COL27A1: variants seen among roughly 807,000 people sequenced by gnomAD.
The protein encoded by COL27A1 is collagen type XXVII alpha 1 chain.
Under a neutral mutation model 251.3 loss-of-function variants are expected in COL27A1, and 106 were observed. That is an observed-to-expected ratio of 0.42 (90% CI 0.36 to 0.50). The LOEUF (loss-of-function observed/expected upper bound fraction) is 0.50. Ranked by LOEUF, COL27A1 falls within the 20% of genes least tolerant of loss-of-function variation. The probability of loss-of-function intolerance (pLI) is 0.00; values close to 1 mark genes in which losing one functional copy is unlikely to be tolerated. For missense variants in COL27A1, 2,325 were observed against 2,522.8 expected (o/e 0.92, Z 1.68); for synonymous variants, 1,000 against 986.3 (o/e 1.01, Z -0.26).
At chr9:114,284,505 C>T (rs1488768133) in intron 40 of COL27A1, among the ~76,000 whole-genome samples, 1 of 152,212 alleles carries the variant, frequency 6.6e-6, no homozygotes. Context: ...GGGCCCCCAA[C>T]CATCCCAGCT....
At chr9:114,288,340 C>G in intron 41 of COL27A1, 115 bp from the exon 42 acceptor site, 1 of 1,072,866 alleles carries the variant, frequency 9.3e-7, no homozygotes, top group Admixed American at 2.0e-5. Flanking sequence ...TTTGTGTCCC[C>G]ATCTGTAACC....
chr9:114,162,774 G>T lies in COL27A1; in HGVS notation c.122G>T (p.Gly41Val). 1 of 1,612,354 alleles carries T rather than the reference G, an allele frequency of 6.2e-7. No individual in the cohort carries two copies. The highest frequency in any genetic ancestry group is 8.5e-7 in the Non-Finnish European group (1 of 1,178,980). Reference protein sequence around the residue: ...SFACHLASTQGAPEDVDILQR... With the variant: ...SFACHLASTQVAPEDVDILQR... ...GCCTGTCACCTGGCCTCCACCCAAG[G>T]AGCTCCTGAAGGTAATTCTCTCTTC... The change falls in exon 2 of 61, where the codon GGA becomes GTA. Residue 41 changes from glycine to valine, a missense_variant. Gly to Val is a moderately radical substitution (Grantham distance 109). Coordinates refer to ENST00000356083, the MANE Select transcript of COL27A1 (RefSeq NM_032888.4).
At chr9:114,171,858 G>C (rs1177319238) in intron 3 of COL27A1, among the ~76,000 whole-genome samples, 1 of 152,196 alleles carries the variant, frequency 6.6e-6, no homozygotes, top group East Asian at 1.9e-4. Flanking sequence ...ACTGGTTGAG[G>C]AGGGCAGGCT....
intron 19 of COL27A1, among the ~76,000 whole-genome samples, chr9:114,238,572 C>G (rs116199231): frequency 6.6e-6 from 1 of 152,208 alleles, no homozygotes; most frequent in African/African-American, 2.4e-5. Context: ...TGCTATCACT[C>G]GGATGGATGA....
chr9:114,248,388 G>A (rs1306551332), intron 24 of COL27A1, among the ~76,000 whole-genome samples: 1 of 152,226 alleles, frequency 6.6e-6, no homozygotes, highest in African/African-American at 2.4e-5. Context: ...GCATATGAGA[G>A]GAGGAAGAAA....
chr9:114,234,557 A>G (rs1185640670), intron 16 of COL27A1, among the ~76,000 whole-genome samples: 1 of 152,094 alleles, frequency 6.6e-6, no homozygotes, highest in African/African-American at 2.4e-5. Flanking sequence ...CCCTAAGGGG[A>G]AGCAGCTCCC....
intron 5 of COL27A1, among the ~76,000 whole-genome samples, chr9:114,183,599 A>C (rs182257435): frequency 2.9e-4 from 44 of 152,182 alleles, no homozygotes; most frequent in African/African-American, 1.0e-3. Context: ...GGTGGGTGCA[A>C]GGTGAGAGAC....
intron 32 of COL27A1, 51 bp downstream of exon 32, chr9:114,265,526 G>T: frequency 6.4e-7 from 1 of 1,571,404 alleles, no homozygotes; most frequent in Non-Finnish European, 8.8e-7. Flanking sequence ...GGCACCTGGG[G>T]GTGTGGGCCA....
intron 25 of COL27A1, among the ~76,000 whole-genome samples, chr9:114,251,436 C>CCCT (rs1404018217): frequency 6.6e-6 from 1 of 152,032 alleles, no homozygotes; most frequent in Non-Finnish European, 1.5e-5. Flanking sequence ...CCTCGCTTCC[C>CCCT]CCTCCTCCTC....
intron 57 of COL27A1, among the ~76,000 whole-genome samples, chr9:114,305,852 C>T (rs1028500547): frequency 6.6e-6 from 1 of 152,230 alleles, no homozygotes; most frequent in Admixed American, 6.5e-5. Flanking sequence ...CACGTTCACA[C>T]ATGCGTGCAC....
Position 114,311,625 on chromosome 9 carries a change from A to G in COL27A1, c.*930A>G, listed in dbSNP as rs1385963697. ...AACCAGAAGTAGAGAGATTTACCAT[A>G]TAACTTATGGACTTTGAAATGTCTG... On this transcript the variant is annotated 3_prime_UTR_variant, in exon 61 of 61. Coordinates refer to ENST00000356083, the MANE Select transcript of COL27A1 (RefSeq NM_032888.4). 1.3e-5 allele frequency: 2 copies of G among 151,904 alleles called. No homozygotes were observed. Among genetic ancestry groups the G allele is most frequent in the Non-Finnish European group, 2.9e-5 (2 of 67,998 alleles). 9.4% of individuals were successfully genotyped at this position (151,904 alleles called of 1,614,324 possible).
chr9:114,195,150 T>C (rs1055079081), intron 6 of COL27A1, among the ~76,000 whole-genome samples: 2 of 152,182 alleles, frequency 1.3e-5, no homozygotes, highest in Non-Finnish European at 2.9e-5. Context: ...GACTTCCTTC[T>C]GGACACAGCC....
intron 25 of COL27A1, among the ~76,000 whole-genome samples, chr9:114,252,076 C>A (rs1330453421): frequency 3.3e-5 from 5 of 152,232 alleles, no homozygotes; most frequent in African/African-American, 9.6e-5. Flanking sequence ...TACCTTCTGG[C>A]TGGAGCTGTC....
chr9:114,202,566 C>G lies in COL27A1; in HGVS notation c.2125-2536C>G, dbSNP rs113524061. ...CATCATGTCGCGCTACCTCCCTGCT[C>G]GAAGAGCTTCTGTGGTTTTGCATCA... On this transcript the variant is annotated intron_variant, in intron 7 of 60. Transcript: ENST00000356083. Among the ~76,000 whole-genome samples, 874 of 152,302 alleles carry G rather than the reference C, an allele frequency of 5.7e-3. 6 individuals are homozygous for G. Among genetic ancestry groups the G allele is most frequent in the African/African-American group, 0.02 (824 of 41,558 alleles).
chr9:114,197,870 G>A (rs1829266005), intron 7 of COL27A1, among the ~76,000 whole-genome samples: 1 of 152,258 alleles, frequency 6.6e-6, no homozygotes, highest in African/African-American at 2.4e-5. Flanking sequence ...TACAGAGGGT[G>A]CTGGGCGAAG....
At chr9:114,213,341 C>G (rs2135348841) in intron 12 of COL27A1, among the ~76,000 whole-genome samples, 1 of 152,282 alleles carries the variant, frequency 6.6e-6, no homozygotes, top group South Asian at 2.1e-4. Context: ...CTTCATCCAC[C>G]TTCTCCCTGC....
At chr9:114,205,204 T>A in intron 8 of COL27A1, 58 bp downstream of exon 8, 1 of 1,503,800 alleles carries the variant, frequency 6.6e-7, no homozygotes, top group Non-Finnish European at 9.2e-7. Context: ...AGCCCCTACC[T>A]GTCTCTGGCC....
In COL27A1 at chr9:114,265,003, G is replaced by A. The variant is rs1287683352; in HGVS notation, c.3294+35G>A. ...GCCAAGGCCAAGCAGGCCAGCTGCAGGCCCCCTCCCTGCTCCGTGCTTTGT... is the reference window on the plus strand; with the variant it reads ...GCCAAGGCCAAGCAGGCCAGCTGCAAGCCCCCTCCCTGCTCCGTGCTTTGT... On this transcript the variant is annotated intron_variant, in intron 30 of 60. Coordinates refer to ENST00000356083, the MANE Select transcript of COL27A1 (RefSeq NM_032888.4). 4.3e-6 allele frequency: 7 copies of A among 1,612,464 alleles called. No individual in the cohort carries two copies. In the African/African-American group the frequency reaches 6.7e-5, roughly 15 times the overall value.
Position 114,168,238 on chromosome 9 carries a change from A to T in COL27A1, c.683A>T (p.Tyr228Phe), listed in dbSNP as rs773847766. ...IYPVTQVAHN[Y>F]CTHLRKQCGQ... ...CCTGTGACGCAGGTCGCTCACAATTACTGTACCCACCTGAGGAAGCAGTGT... is the reference window on the plus strand; with the variant it reads ...CCTGTGACGCAGGTCGCTCACAATTTCTGTACCCACCTGAGGAAGCAGTGT... Residue 228 changes from tyrosine to phenylalanine, a missense_variant, in exon 3 of 61, where the codon TAC becomes TTC. Physicochemically the swap from Tyr to Phe is conservative, Grantham distance 22 (BLOSUM62 3). This residue lies in a region of COL27A1 where 1,183 missense variants were observed against 1,144.1 expected (regional missense o/e 1.03). Transcript: ENST00000356083. 1 of 1,613,984 alleles carries T rather than the reference A, an allele frequency of 6.2e-7. No homozygotes were observed. Among genetic ancestry groups the T allele is most frequent in the Non-Finnish European group, 8.5e-7 (1 of 1,180,016 alleles).
Sources: gnomAD v4.1 joint callset for allele counts (sites outside exome capture counted in the v4.1 genomes callset) on GRCh38, gnomAD v4.1.1 for gene constraint, gnomAD v4.1.1 regional missense constraint, MANE v1.5 for transcripts, NCBI Gene and HGNC (gene_info 2026-07-23, HGNC 2026-07-21) for gene names.